The following LRMDA variants were observed in gnomAD, a reference collection of about 807,000 sequenced individuals.
The protein encoded by LRMDA is leucine-rich melanocyte differentiation-associated protein.
A neutral mutation model predicts 29.8 loss-of-function variants in LRMDA; 18 were observed. The observed-to-expected ratio is 0.60, with a 90% CI of 0.42 to 0.90. The LOEUF is 0.90. Ranked by LOEUF, LRMDA falls within the 40% of genes least tolerant of loss-of-function variation. The probability of loss-of-function intolerance (pLI) is 0.00; values close to 1 mark genes in which losing one functional copy is unlikely to be tolerated. For synonymous variants in LRMDA, 125 were observed against 109.4 expected, an observed-to-expected ratio of 1.14 and a Z score of -0.89; for missense variants, 273 against 273.9, an observed-to-expected ratio of 1.00 and a Z score of 0.02.
chr10:76,104,805 C>T (rs1041715859), intron 5 of LRMDA, among the ~76,000 whole-genome samples: 1 of 151,992 alleles, frequency 6.6e-6, no homozygotes, highest in Non-Finnish European at 1.5e-5. Flanking sequence ...TATGGAACCC[C>T]CCTCTGGCTG....
chr10:75,641,982 C>T (rs990620577), intron 2 of LRMDA, among the ~76,000 whole-genome samples: 5 of 152,170 alleles, frequency 3.3e-5, no homozygotes, highest in African/African-American at 1.2e-4. Context: ...GTGTATTGTA[C>T]TCATAACTCC....
chr10:75,499,698 G>C (rs1845090581), intron 2 of LRMDA, among the ~76,000 whole-genome samples: 1 of 152,198 alleles, frequency 6.6e-6, no homozygotes, highest in Admixed American at 6.5e-5. Flanking sequence ...TCGGTGTGTA[G>C]ACAGCCTCCT....
chr10:75,752,952 T>C lies in LRMDA; in HGVS notation c.132-283056T>C, dbSNP rs1842985577. ...TGTCCACCTACTTTTATGATTCTTC[T>C]GGTTGTACAGTATTTTTCTTCCTCA... On this transcript the variant is annotated intron_variant, in intron 2 of 6. Coordinates refer to ENST00000611255, the MANE Select transcript of LRMDA (RefSeq NM_001305581.2). Among the ~76,000 whole-genome samples the C allele has an allele frequency of 2.6e-5, 4 of 152,242 alleles. No homozygotes were observed. The South Asian group carries it at 8.3e-4, about 31-fold the overall frequency.
intron 5 of LRMDA, among the ~76,000 whole-genome samples, chr10:76,197,346 T>A (rs892516331): frequency 3.9e-5 from 6 of 152,228 alleles, no homozygotes; most frequent in African/African-American, 1.4e-4. Flanking sequence ...ATTTTTATAA[T>A]TGGGGACTGT....
chr10:76,164,446 C>A (rs1850698899), intron 5 of LRMDA, among the ~76,000 whole-genome samples: 1 of 152,132 alleles, frequency 6.6e-6, no homozygotes, highest in Non-Finnish European at 1.5e-5. Flanking sequence ...GCCCATAAAC[C>A]AAATATGGCC....
At chr10:76,238,571 G>C (rs1852206360) in intron 5 of LRMDA, among the ~76,000 whole-genome samples, 1 of 151,840 alleles carries the variant, frequency 6.6e-6, no homozygotes, top group Admixed American at 6.6e-5. Flanking sequence ...CATGCAGGAG[G>C]GGAAGGGCAG....
intron 6 of LRMDA, among the ~76,000 whole-genome samples, chr10:76,338,427 A>G (rs1331238624): frequency 6.6e-6 from 1 of 152,140 alleles, no homozygotes; most frequent in Non-Finnish European, 1.5e-5. Context: ...AACTAGCTTC[A>G]GGAGTTCTCT....
At chr10:76,545,674 G>GTTA (rs1843413551) in intron 6 of LRMDA, among the ~76,000 whole-genome samples, 3 of 70,932 alleles carry the variant, frequency 4.2e-5, no homozygotes, top group South Asian at 4.5e-4. Flanking sequence ...TATTATTATT[G>GTTA]TTATTATTTA....
intron 2 of LRMDA, among the ~76,000 whole-genome samples, chr10:75,560,949 A>G (rs906064249): frequency 6.6e-6 from 1 of 151,368 alleles, no homozygotes; most frequent in African/African-American, 2.4e-5. Context: ...TATTTTATTG[A>G]GGATTTTTGC....
chr10:75,615,958 A>G (rs1381190658), intron 2 of LRMDA, among the ~76,000 whole-genome samples: 1 of 152,206 alleles, frequency 6.6e-6, no homozygotes, highest in Non-Finnish European at 1.5e-5. Flanking sequence ...TGTGACTTTC[A>G]TATTTTAATT....
At chr10:75,856,239 A>C (rs192956597) in intron 2 of LRMDA, among the ~76,000 whole-genome samples, 258 of 152,090 alleles carry the variant, frequency 1.7e-3, no homozygotes, top group African/African-American at 6.0e-3. Context: ...CTTTTATTTC[A>C]TTGAGCAGTG....
chr10:75,707,410 C>A (rs1842382491), intron 2 of LRMDA, among the ~76,000 whole-genome samples: 1 of 152,176 alleles, frequency 6.6e-6, no homozygotes, highest in African/African-American at 2.4e-5. Context: ...AAGGGTGATG[C>A]TCAAGGTTAA....
chr10:75,984,402 G>A (rs970277182), intron 2 of LRMDA, among the ~76,000 whole-genome samples: 25 of 152,318 alleles, frequency 1.6e-4, no homozygotes, highest in African/African-American at 5.3e-4. Context: ...CCATGGAGCC[G>A]TCAACTTCTC....
At chr10:75,527,195 C>G (rs1484742967) in intron 2 of LRMDA, among the ~76,000 whole-genome samples, 1 of 152,222 alleles carries the variant, frequency 6.6e-6, no homozygotes, top group Non-Finnish European at 1.5e-5. Context: ...CATGTTGTAG[C>G]ATATGCCAAT....
At chr10:75,908,619 C>T (rs144869569) in intron 2 of LRMDA, among the ~76,000 whole-genome samples, 152 of 152,224 alleles carry the variant, frequency 1.0e-3, no homozygotes, top group African/African-American at 3.3e-3. Context: ...CTTTTGAGGT[C>T]GTTGTGAAAG....
intron 2 of LRMDA, among the ~76,000 whole-genome samples, chr10:75,844,024 GA>G (rs1418782248): frequency 1.3e-5 from 2 of 152,228 alleles, no homozygotes; most frequent in East Asian, 1.9e-4. Context: ...CCCTGTAGAT[GA>G]AAAAGTCCCC....
chr10:75,777,474 T>A (rs1843327971), intron 2 of LRMDA, among the ~76,000 whole-genome samples: 1 of 152,252 alleles, frequency 6.6e-6, no homozygotes, highest in Admixed American at 6.5e-5. Context: ...AGCTGTCCCA[T>A]GGCATCTGTG....
intron 5 of LRMDA, among the ~76,000 whole-genome samples, chr10:76,247,496 T>C (rs1315037188): frequency 6.6e-6 from 1 of 152,194 alleles, no homozygotes; most frequent in Non-Finnish European, 1.5e-5. Context: ...TAGATCCTTT[T>C]GAGAGATTCA....
intron 5 of LRMDA, among the ~76,000 whole-genome samples, chr10:76,119,103 A>G (rs1849721370): frequency 6.6e-6 from 1 of 152,100 alleles, no homozygotes; most frequent in Non-Finnish European, 1.5e-5. Flanking sequence ...AGAGGCTTGT[A>G]GTGAACATCT....
Sources: gnomAD v4.1 joint callset for allele counts (sites outside exome capture counted in the v4.1 genomes callset) on GRCh38, gnomAD v4.1.1 for gene constraint, MANE v1.5 for transcripts, NCBI Gene and HGNC (gene_info 2026-07-23, HGNC 2026-07-21) for gene names.